Variants in FBXL17 observed in about 807,000 individuals in gnomAD.
FBXL17 encodes the protein F-box and leucine rich repeat protein 17.
A neutral mutation model predicts 66.2 loss-of-function variants in FBXL17; 22 were observed. That is an observed-to-expected ratio of 0.33 (90% confidence interval 0.24 to 0.47). FBXL17 has a LOEUF of 0.47. Among genes scored for constraint, FBXL17 ranks in the 20% least tolerant of loss-of-function variants. FBXL17 has a pLI of 1.00. For synonymous variants in FBXL17, 474 were observed against 400.5 expected (o/e 1.18, Z -2.19); for missense variants, 878 against 948.2 (o/e 0.93, Z 0.97).
intron 3 of FBXL17, among the ~76,000 whole-genome samples, chr5:108,361,618 C>T (rs758482763): frequency 3.3e-5 from 5 of 152,102 alleles, no homozygotes; most frequent in Non-Finnish European, 7.4e-5. Context: ...AACAAACTCT[C>T]TCCCAGGCTC....
intron 8 of FBXL17, among the ~76,000 whole-genome samples, chr5:107,866,269 A>G (rs1748269690): frequency 6.6e-6 from 1 of 152,166 alleles, no homozygotes; most frequent in South Asian, 2.1e-4. Context: ...AGGGGGAAAA[A>G]CCATGTGCCA....
At chr5:108,138,910 G>C (rs1168329095) in intron 6 of FBXL17, among the ~76,000 whole-genome samples, 1 of 152,208 alleles carries the variant, frequency 6.6e-6, no homozygotes, top group Non-Finnish European at 1.5e-5. Context: ...ATTTTACGGA[G>C]AGAGCCACAT....
intron 6 of FBXL17, among the ~76,000 whole-genome samples, chr5:108,038,129 A>G (rs1023931556): frequency 6.6e-6 from 1 of 152,194 alleles, no homozygotes; most frequent in African/African-American, 2.4e-5. Context: ...ATTTAAAAAG[A>G]CCTAAGAGCT....
rs955133817 is a variant in FBXL17, at chr5:107,993,183, C to A, written c.1822+27742G>T. 2.0e-5 allele frequency among the ~76,000 whole-genome samples: 3 copies of A among 152,162 alleles called. No homozygotes were observed. The East Asian group carries it at 5.8e-4, about 29-fold the overall frequency. ...GTGCTGGGATTACAGGCGTGAGCCA[C>A]CGCACCCGGCCTGTTTTTCTTTTCT... On this transcript the variant is annotated intron_variant, in intron 7 of 8. Transcript: ENST00000542267.
chr5:107,954,361 T>C (rs1751592656), intron 7 of FBXL17, among the ~76,000 whole-genome samples: 1 of 152,186 alleles, frequency 6.6e-6, no homozygotes, highest in African/African-American at 2.4e-5. Context: ...TAATTTAAAA[T>C]AGCAATGACT....
At chr5:108,204,828 G>A (rs1754047062) in intron 5 of FBXL17, among the ~76,000 whole-genome samples, 1 of 151,866 alleles carries the variant, frequency 6.6e-6, no homozygotes, top group African/African-American at 2.4e-5. Flanking sequence ...AATCATTATG[G>A]AAATTTTCAT....
At chr5:108,131,775 C>T (rs1392713631) in intron 6 of FBXL17, among the ~76,000 whole-genome samples, 1 of 152,034 alleles carries the variant, frequency 6.6e-6, no homozygotes, top group East Asian at 1.9e-4. Context: ...TAACTTATAG[C>T]TTTCTCTTAT....
At chr5:108,163,569 T>A (rs1179568939) in intron 6 of FBXL17, among the ~76,000 whole-genome samples, 1 of 151,978 alleles carries the variant, frequency 6.6e-6, no homozygotes, top group Non-Finnish European at 1.5e-5. Context: ...TCTGGCTAAT[T>A]TTTTTGTGTT....
intron 7 of FBXL17, among the ~76,000 whole-genome samples, chr5:107,996,104 T>G (rs557727683): frequency 6.6e-6 from 1 of 152,216 alleles, no homozygotes; most frequent in Non-Finnish European, 1.5e-5. Context: ...TCAAAAAACA[T>G]GACAAATGTC....
intron 7 of FBXL17, among the ~76,000 whole-genome samples, chr5:107,940,017 G>C (rs1411854492): frequency 2.0e-5 from 3 of 152,126 alleles, no homozygotes; most frequent in Non-Finnish European, 4.4e-5. Context: ...GTGTTAAACA[G>C]TATACTAGCC....
chr5:108,013,860 A>G (rs569662744), intron 7 of FBXL17, among the ~76,000 whole-genome samples: 2 of 152,186 alleles, frequency 1.3e-5, no homozygotes, highest in East Asian at 1.9e-4. Flanking sequence ...AGAACTCACT[A>G]CCACTCAAGA....
At chr5:108,063,227 A>T (rs1345693665) in intron 6 of FBXL17, among the ~76,000 whole-genome samples, 1 of 152,148 alleles carries the variant, frequency 6.6e-6, no homozygotes, top group East Asian at 1.9e-4. Context: ...GAACTCAGAG[A>T]TTCAGCATTT....
At chr5:108,283,563 C>G (rs962466773) in intron 4 of FBXL17, among the ~76,000 whole-genome samples, 1 of 151,602 alleles carries the variant, frequency 6.6e-6, no homozygotes, top group Admixed American at 6.6e-5. Flanking sequence ...ATATAGGAAC[C>G]AAAGTTATAA....
chr5:107,944,768 A>T (rs1033932817), intron 7 of FBXL17, among the ~76,000 whole-genome samples: 1 of 152,142 alleles, frequency 6.6e-6, no homozygotes, highest in Non-Finnish European at 1.5e-5. Flanking sequence ...CGTATATCCA[A>T]TTTTTTAAAA....
At chr5:108,255,957 T>C (rs1756559692) in intron 4 of FBXL17, among the ~76,000 whole-genome samples, 1 of 150,368 alleles carries the variant, frequency 6.7e-6, no homozygotes, top group Non-Finnish European at 1.5e-5. Flanking sequence ...TCACCAAGAG[T>C]AGAAACAGAT....
chr5:107,947,764 A>G (rs1751362586), intron 7 of FBXL17, among the ~76,000 whole-genome samples: 1 of 152,172 alleles, frequency 6.6e-6, no homozygotes, highest in Non-Finnish European at 1.5e-5. Context: ...AATAAAGAAT[A>G]ACTTCTCTGG....
intron 5 of FBXL17, among the ~76,000 whole-genome samples, chr5:108,221,495 G>A (rs1335413628): frequency 6.6e-6 from 1 of 152,110 alleles, no homozygotes; most frequent in Non-Finnish European, 1.5e-5. Flanking sequence ...AGGAAACTAA[G>A]GTACAGAAAT....
intron 4 of FBXL17, among the ~76,000 whole-genome samples, chr5:108,249,740 C>A (rs1756263682): frequency 6.6e-6 from 1 of 152,052 alleles, no homozygotes; most frequent in South Asian, 2.1e-4. Context: ...CTGAGAACTA[C>A]AAAATATAAG....
chr5:107,887,397 C>T (rs62361076), intron 7 of FBXL17, among the ~76,000 whole-genome samples: 35,510 of 152,048 alleles, frequency 0.23, 5,295 homozygotes, highest in Admixed American at 0.41. Context: ...CATTAACAAG[C>T]GACCTGCATG....
Sources: allele counts gnomAD v4.1 joint callset (sites outside exome capture counted in the v4.1 genomes callset), GRCh38; gene constraint gnomAD v4.1.1; transcripts MANE v1.5; gene names NCBI Gene and HGNC (gene_info 2026-07-23, HGNC 2026-07-21).